WIZ: variants seen among roughly 807,000 people sequenced by gnomAD.
WIZ encodes WIZ zinc finger, also known as protein Wiz.
Under a neutral mutation model 140.2 loss-of-function variants are expected in WIZ, and 25 were observed. The ratio of observed to expected loss-of-function variants is 0.18; its 90% CI spans 0.13 to 0.25. The LOEUF is 0.25. Among genes scored for constraint, WIZ ranks in the 10% least tolerant of loss-of-function variants. The pLI is 1.00. For synonymous variants in WIZ, 1,125 were observed against 1,154.3 expected (o/e 0.97, Z 0.51); for missense variants, 2,231 against 2,632.6 (o/e 0.85, Z 3.34).
intron 1 of WIZ, 94 bp downstream of exon 1, chr19:15,449,704 G>A (rs1970055670): frequency 6.9e-6 from 1 of 144,456 alleles, no homozygotes; most frequent in South Asian, 2.1e-4. Flanking sequence ...CCCGCCCCGG[G>A]GGGTCCCGCC....
rs923059930 is a variant in WIZ at position 15,442,287 on chromosome 19, A to G, written c.278+389T>C. Among the ~76,000 whole-genome samples the G allele has an allele frequency of 9.2e-5, 14 of 152,136 alleles. No homozygotes were observed. Among genetic ancestry groups the G allele is most frequent in the African/African-American group, 3.1e-4 (13 of 41,424 alleles). ...TGCTCTTGATTCCTGCTCTCACCCA[A>G]TGCCCCTTGGATCCTCAAGGCGAAT... On this transcript the variant is annotated intron_variant, in intron 3 of 12. Coordinates refer to ENST00000673675, the MANE Select transcript of WIZ (RefSeq NM_001371589.1). This position sits in a 1 kb window ranked among gnomAD's most constrained non-coding sequence, Gnocchi z 5.5.
Position 15,423,115 on chromosome 19 carries a change from C to G in WIZ, c.5631G>C (p.Gln1877His). ...CCGCCGCTGTCTGTGCCTGCGGGGC[C>G]TGGGACTCCTCAGGTGGGGGGTCCG... ...SKADPPPEES[Q>H]APQAQTAAAE... Residue 1877 changes from glutamine (Q) to histidine (H), a missense_variant, in exon 13 of 13, where the codon CAG becomes CAC. Around this residue, in one of 15 missense-constraint regions of WIZ, gnomAD observed 299 missense variants for 309.6 expected, o/e 0.97. Coordinates refer to ENST00000673675, the MANE Select transcript of WIZ (RefSeq NM_001371589.1). 6.2e-7 allele frequency: 1 copy of G among 1,612,464 alleles called. No homozygotes were observed. Among genetic ancestry groups the G allele is most frequent in the Non-Finnish European group, 8.5e-7 (1 of 1,179,820 alleles).
Position 15,425,750 on chromosome 19 carries a change from A to G in WIZ, c.4385T>C (p.Val1462Ala). ...PLNLSSRAEP[V>A]RDIRCEFCGE... is the part of the protein sequence containing the mutation. ...GCAGAACTCACAGCGGATGTCGCGC[A>G]CCGGCTCTGCCCGGGACGCTGCAGG... The change falls in exon 10 of 13, where the codon GTG (valine) becomes GCG (alanine). Residue 1462 changes from valine to alanine, a missense_variant. Physicochemically the swap from Val to Ala is moderately conservative, Grantham distance 64. This residue lies in a region of WIZ where 393 missense variants were observed against 451.7 expected (regional missense o/e 0.87). Transcript: ENST00000673675. 1 of 1,590,264 alleles carries G rather than the reference A, an allele frequency of 6.3e-7. No homozygotes were observed. The highest frequency in any genetic ancestry group is 8.6e-7 in the Non-Finnish European group (1 of 1,168,058).
In WIZ at chr19:15,424,067, A is replaced by C; in HGVS notation, c.5510+116T>G. ...TTTAGCCTGAGCCCCACCACACCCA[A>C]GGGCAGCCACTGAGGCGACACCTCC... On this transcript the variant is annotated intron_variant, in intron 12 of 12. Transcript: ENST00000673675. This position sits in a 1 kb window ranked among gnomAD's most constrained non-coding sequence, Gnocchi z 9.7. 2.0e-6 allele frequency: 2 copies of C among 983,952 alleles called. No homozygotes were observed. Among genetic ancestry groups the C allele is most frequent in the Non-Finnish European group, 2.8e-6 (2 of 704,054 alleles). 61.0% of individuals were successfully genotyped at this position (983,952 alleles called of 1,614,324 possible). A position where few individuals can be genotyped will look rare whatever the true frequency, so the allele number is the denominator to read the frequency against.
chr19:15,432,613 GGCGCGCGCTCCCGGGCGCCCCCCGCGC>G, intron 5 of WIZ: 2 of 200,174 alleles, frequency 1.0e-5, no homozygotes, highest in Non-Finnish European at 1.7e-5. Context: ...CGCCCCCGCG[GGCGCGCGCTCCCGGGCGCCCCCCGCGC>G]GCGGCCCCGC....
chr19:15,431,314 G>A, intron 5 of WIZ, 132 bp from the exon 6 acceptor site: 2 of 1,187,342 alleles, frequency 1.7e-6, no homozygotes, highest in Middle Eastern at 2.1e-4. Flanking sequence ...CAGGAAAGCT[G>A]AGGTTCCACC....
At chr19:15,446,185 GA>G (rs1969913166) in intron 2 of WIZ, among the ~76,000 whole-genome samples, 1 of 152,140 alleles carries the variant, frequency 6.6e-6, no homozygotes, top group African/African-American at 2.4e-5. Context: ...CTATAAAACA[GA>G]TGCACGTATG....
In WIZ at chr19:15,425,465, C is replaced by G. The variant is rs576608225; in HGVS notation, c.4670G>C (p.Arg1557Pro). The change falls in exon 10 of 13, where the codon CGG becomes CCG. Residue 1557 changes from arginine to proline, a missense_variant. Arg to Pro is a moderately radical substitution (Grantham distance 103). This residue lies in a region of WIZ where 393 missense variants were observed against 451.7 expected (regional missense o/e 0.87). Transcript: ENST00000673675. ...SPLPLSPLAG[R>P]PGKPGAGPAQ... ...CGGCCCTGCACCTGGTTTGCCTGGC[C>G]GGCCAGCCAGGGGCGACAGCGGCAG... is the stretch of plus-strand genomic sequence containing the variant. 3.1e-6 allele frequency: 5 copies of G among 1,593,316 alleles called. No homozygotes were observed. The highest frequency in any genetic ancestry group is 4.3e-6 in the Non-Finnish European group (5 of 1,169,794).
intron 1 of WIZ, 122 bp downstream of exon 1, chr19:15,449,676 G>GGC (rs1970052819): frequency 1.0e-5 from 1 of 95,996 alleles, no homozygotes; most frequent in African/African-American, 4.0e-5. Flanking sequence ...CCCCGCCCCT[G>GGC]AAGGCCCCGC....
In WIZ at chr19:15,436,815, A is replaced by G. The variant is rs775349639; in HGVS notation, c.2731T>C (p.Tyr911His). 6.3e-7 allele frequency: 1 copy of G among 1,592,264 alleles called. No individual in the cohort carries two copies. Among genetic ancestry groups the G allele is most frequent in the Non-Finnish European group, 8.5e-7 (1 of 1,173,364 alleles). The change falls in exon 5 of 13, where the codon TAT becomes CAT. Residue 911 changes from tyrosine to histidine, a missense_variant. Coordinates refer to ENST00000673675, the MANE Select transcript of WIZ (RefSeq NM_001371589.1). Reference sequence around the variant, plus strand: ...CGTCCCCTCCCCTTACCATCTCCATAGGCTGGCCCAGGGTCCTCAGCCCAG... The same window carrying G: ...CGTCCCCTCCCCTTACCATCTCCATGGGCTGGCCCAGGGTCCTCAGCCCAG... ...PTWAEDPGPA[Y>H]GDGLGSEENA...
intron 5 of WIZ, among the ~76,000 whole-genome samples, chr19:15,432,720 CGCGGG>C (rs1488908997): frequency 1.1e-4 from 16 of 150,856 alleles, no homozygotes; most frequent in Non-Finnish European, 1.5e-4. Context: ...CTCCGGCGCA[CGCGGG>C]GCGGCCGCCC....
chr19:15,421,666 A>C lies in WIZ; in HGVS notation c.*1410T>G, dbSNP rs1968378077. ...GTCAGGGGTGCATGTGTCTCACTAG[A>C]AGTCACATGTATTAAAAGCAGGTGA... On this transcript the variant is annotated 3_prime_UTR_variant, in exon 13 of 13. Transcript: ENST00000673675. 6.6e-6 allele frequency: 1 copy of C among 152,058 alleles called. No individual in the cohort carries two copies. The allele number at this position is 152,058 out of a possible 1,614,324, so 9.4% of individuals were successfully genotyped here.
Position 15,440,169 on chromosome 19 carries a change from C to T in WIZ, c.825G>A (p.Glu275=). 2.6e-6 allele frequency: 4 copies of T among 1,532,532 alleles called. No individual in the cohort carries two copies. The East Asian group carries it at 7.3e-5, about 28-fold the overall frequency. The allele number at this position is 1,532,532 out of a possible 1,614,324, so 94.9% of individuals were successfully genotyped here. A position where few individuals can be genotyped will look rare whatever the true frequency, so the allele number is the denominator to read the frequency against. ...TCGGGGGCAGTAGCGGCTGCAGCCG[C>T]TCCACAGAAGCCTCCGAGTTCACTG... The part of the protein sequence containing the change: ...TWTVNSEASV[E]RLQPLLPPIR... Residue 275 remains glutamate, a synonymous_variant, in exon 4 of 13, where the codon GAG becomes GAA. Coordinates refer to ENST00000673675, the MANE Select transcript of WIZ (RefSeq NM_001371589.1). This position sits in a 1 kb window ranked among gnomAD's most constrained non-coding sequence, Gnocchi z 6.2.
rs776528851 is a variant in WIZ, at chr19:15,424,194, G to T, written c.5499C>A (p.Thr1833=). The T allele has an allele frequency of 6.5e-7, 1 of 1,545,764 alleles. No individual in the cohort carries two copies. Among genetic ancestry groups the T allele is most frequent in the South Asian group, 1.2e-5 (1 of 81,662 alleles). ...CAGGGGCAGCCTACCTGCATTTGAGGGTGTAGATGTTGCCCACGAACTTGA... is the reference window on the plus strand; with the variant it reads ...CAGGGGCAGCCTACCTGCATTTGAGTGTGTAGATGTTGCCCACGAACTTGA... ...SLVKFVGNIY[T]LKCRFCEVEF... is the part of the protein sequence containing the mutation. The change falls in exon 12 of 13, where the codon ACC becomes ACA. Residue 1833 remains threonine (T), a synonymous_variant. Transcript: ENST00000673675. The surrounding 1 kb of genome is among the most constrained non-coding windows in gnomAD (Gnocchi z 9.7).
chr19:15,427,012 G>A lies in WIZ; in HGVS notation c.4336C>T (p.Pro1446Ser), dbSNP rs577479442. The change falls in exon 9 of 13, where the codon CCA becomes TCA. Residue 1446 changes from proline to serine, a missense_variant. By Grantham distance (74) the Pro-to-Ser change is moderately conservative. This residue lies in a region of WIZ where 393 missense variants were observed against 451.7 expected (regional missense o/e 0.87). Transcript: ENST00000673675. This position sits in a 1 kb window ranked among gnomAD's most constrained non-coding sequence, Gnocchi z 6.4. ...TTCAGGGGTGTCATGTCTTCCCGTG[G>A]TGCCCCCCAGGGACCCTCAGATGGG... ...LHPSEGPWGA[P>S]REDMTPLNLS... The A allele has an allele frequency of 2.2e-5, 35 of 1,613,880 alleles. No homozygotes were observed. In the East Asian group the frequency reaches 7.6e-4, roughly 35 times the overall value.
At chr19:15,444,736 G>A (rs1196019961) in intron 2 of WIZ, among the ~76,000 whole-genome samples, 1 of 152,178 alleles carries the variant, frequency 6.6e-6, no homozygotes, top group Non-Finnish European at 1.5e-5. Context: ...GAACATGTGA[G>A]TCATAGATTT....
At position 15,442,369 on chromosome 19, in the gene WIZ, A is replaced by G. The variant is rs1360376946; in HGVS notation, c.278+307T>C. Among the ~76,000 whole-genome samples, 1 of 152,142 alleles carries G rather than the reference A, an allele frequency of 6.6e-6. No individual in the cohort carries two copies. Among genetic ancestry groups the G allele is most frequent in the African/African-American group, 2.4e-5 (1 of 41,414 alleles). ...CAGATGAGAAAACTGAGGCCCAGAG[A>G]GGCCTAGTATCATTCTAAGGGTCAC... On this transcript the variant is annotated intron_variant, in intron 3 of 12. Coordinates refer to ENST00000673675, the MANE Select transcript of WIZ (RefSeq NM_001371589.1). The surrounding 1 kb of genome is among the most constrained non-coding windows in gnomAD (Gnocchi z 5.5).
chr19:15,429,471 T>C (rs1330232861), intron 7 of WIZ, 115 bp downstream of exon 7: 2 of 1,128,322 alleles, frequency 1.8e-6, no homozygotes, highest in East Asian at 3.1e-5. Context: ...ACATGGGAGC[T>C]GTAGTCCCCA....
chr19:15,436,669 A>C, intron 5 of WIZ, 137 bp downstream of exon 5: 1 of 879,504 alleles, frequency 1.1e-6, no homozygotes, highest in Non-Finnish European at 1.6e-6. Context: ...TTGTAAGGAA[A>C]GTCATCAACA....
Sources: allele counts gnomAD v4.1 joint callset (sites outside exome capture counted in the v4.1 genomes callset), GRCh38; gene constraint gnomAD v4.1.1; regional missense constraint gnomAD v4.1.1; non-coding constraint Gnocchi (gnomAD v3.1); transcripts MANE v1.5; gene names NCBI Gene and HGNC (gene_info 2026-07-23, HGNC 2026-07-21).